The following TRPM8 variants were observed in gnomAD, a reference collection of about 807,000 sequenced individuals.
TRPM8 encodes transient receptor potential cation channel subfamily M member 8, also known as TRPM8 cationic channel.
Under a neutral mutation model 133.7 loss-of-function variants are expected in TRPM8, and 110 were observed. That is an observed-to-expected ratio of 0.82 (90% confidence interval 0.70 to 0.96). The LOEUF is 0.96. Ranked by LOEUF, TRPM8 falls within the 40% of genes least tolerant of loss-of-function variation. The pLI is 0.00. For synonymous variants in TRPM8, 535 were observed against 532.3 expected (o/e 1.01, Z -0.07); for missense variants, 1,291 against 1,379.5 (o/e 0.94, Z 1.02).
At chr2:234,005,895 T>C in intron 22 of TRPM8, among the ~76,000 whole-genome samples, 1 of 147,144 alleles carries the variant, frequency 6.8e-6, no homozygotes, top group Non-Finnish European at 1.5e-5. Context: ...ACCACTGCAC[T>C]CCAGCCTGGG....
chr2:233,923,049 G>T (rs1171282648), intron 1 of TRPM8, among the ~76,000 whole-genome samples: 2 of 151,910 alleles, frequency 1.3e-5, no homozygotes, highest in Admixed American at 6.6e-5. Context: ...TTTTGTTGTT[G>T]TTGTTAGAGA....
chr2:233,935,533 A>T (rs1330157249), intron 3 of TRPM8, among the ~76,000 whole-genome samples: 4 of 152,224 alleles, frequency 2.6e-5, no homozygotes, highest in African/African-American at 9.6e-5. Context: ...ACAGGTGTAA[A>T]CTGAGACTAT....
At chr2:233,994,042 T>A (rs1692345645) in intron 21 of TRPM8, among the ~76,000 whole-genome samples, 1 of 152,260 alleles carries the variant, frequency 6.6e-6, no homozygotes, top group East Asian at 1.9e-4. Flanking sequence ...CATTCATCTC[T>A]TCTTATTTTT....
At position 233,983,087 on chromosome 2, in the gene TRPM8, C is replaced by T. The variant is rs776327167; in HGVS notation, c.2624C>T (p.Ala875Val). Residue 875 changes from alanine (A) to valine (V), a missense_variant, in exon 20 of 26, where the codon GCG becomes GTG. Physicochemically the swap from Ala to Val is moderately conservative, Grantham distance 64. Coordinates refer to ENST00000324695, the MANE Select transcript of TRPM8 (RefSeq NM_024080.5). Reference sequence around the variant, plus strand: ...GTGTTCTTCTTCCTGTTCCTCTTTGCGGTGTGGATGGTGGCCTTTGGCGTG... The same window carrying T: ...GTGTTCTTCTTCCTGTTCCTCTTTGTGGTGTGGATGGTGGCCTTTGGCGTG... ...IDVFFFLFLF[A>V]VWMVAFGVAR... 8.1e-6 allele frequency: 13 copies of T among 1,613,930 alleles called. No individual in the cohort carries two copies. Among genetic ancestry groups the T allele is most frequent in the East Asian group, 2.2e-5 (1 of 44,896 alleles).
intron 12 of TRPM8, 150 bp downstream of exon 12, chr2:233,961,216 A>G: frequency 1.3e-6 from 1 of 759,678 alleles, no homozygotes; most frequent in Non-Finnish European, 2.1e-6. Context: ...TTTATTTAAG[A>G]TAAGGTGTCT....
At position 233,928,212 on chromosome 2, in the gene TRPM8, G is replaced by T. The variant is rs565925611; in HGVS notation, c.117+1558G>T. Among the ~76,000 whole-genome samples, 152 of 151,930 alleles carry T rather than the reference G, an allele frequency of 1.0e-3. 2 individuals carry two copies. The South Asian group carries it at 0.011, about 11-fold the overall frequency. On this transcript the variant is annotated intron_variant, in intron 2 of 25. Transcript: ENST00000324695. ...TCTCGATCTCCTGACCTCGTGAGCCGCCCACCTCGGCCTCCCAAAGTGCTG... is the reference window on the plus strand; with the variant it reads ...TCTCGATCTCCTGACCTCGTGAGCCTCCCACCTCGGCCTCCCAAAGTGCTG...
chr2:234,012,442 A>G (rs1035147922), intron 24 of TRPM8, among the ~76,000 whole-genome samples: 7 of 150,828 alleles, frequency 4.6e-5, no homozygotes, highest in Admixed American at 1.3e-4. Flanking sequence ...CACCACGCCC[A>G]GCAGTCCTAA....
chr2:233,933,036 G>A (rs28901617), intron 3 of TRPM8, among the ~76,000 whole-genome samples: 2,919 of 151,750 alleles, frequency 0.019, 85 homozygotes, highest in East Asian at 0.11. Context: ...AGATGGTGCC[G>A]CACTTTTGCC....
At chr2:233,997,738 A>G (rs1043513785) in intron 22 of TRPM8, among the ~76,000 whole-genome samples, 5 of 152,156 alleles carry the variant, frequency 3.3e-5, no homozygotes, top group African/African-American at 1.2e-4. Context: ...TCAGGAAGGC[A>G]GCCATCAACC....
intron 9 of TRPM8, among the ~76,000 whole-genome samples, chr2:233,951,323 A>G (rs1220191179): frequency 6.6e-6 from 1 of 152,248 alleles, no homozygotes; most frequent in African/African-American, 2.4e-5. Context: ...TATTGATTGC[A>G]TATTGACTGC....
chr2:233,937,353 G>A lies in TRPM8; in HGVS notation c.192G>A (p.Thr64=). 6.2e-7 allele frequency: 1 copy of A among 1,614,024 alleles called. No homozygotes were observed. The highest frequency in any genetic ancestry group is 2.2e-5 in the East Asian group (1 of 44,878). ...CTGTCCACACCATCGTGCTTATCAG[G>A]GAGAATGTGTGCAAGTGTGGCTATG... The part of the protein sequence containing the change: ...CVFFTKDSKA[T]ENVCKCGYAQ... Residue 64 remains threonine (T), a splice_region_variant and synonymous_variant, in exon 4 of 26, where the codon ACG becomes ACA. Transcript: ENST00000324695.
chr2:234,003,227 C>T (rs934614078), intron 22 of TRPM8, among the ~76,000 whole-genome samples: 3 of 152,150 alleles, frequency 2.0e-5, no homozygotes, highest in African/African-American at 4.8e-5. Flanking sequence ...ACCCCGAACT[C>T]GTGTCATGCC....
intron 22 of TRPM8, 79 bp from the exon 23 acceptor site, chr2:234,006,774 A>G (rs1692703919): frequency 1.9e-6 from 2 of 1,076,028 alleles, no homozygotes; most frequent in Non-Finnish European, 1.4e-6. Context: ...AGTCTCACAA[A>G]ATGCCTTAGA....
Position 233,989,594 on chromosome 2 carries a change from A to G in TRPM8, c.2939+3729A>G, listed in dbSNP as rs1344416004. On this transcript the variant is annotated intron_variant, in intron 21 of 25. Transcript: ENST00000324695. The surrounding 1 kb of genome is among the most constrained non-coding windows in gnomAD (Gnocchi z 4.2). ...TGTTCAGGGCTTACTCTGTGAGCAGATGGCCCCAGGATGTGACCCTTCCCT... is the reference window on the plus strand; with the variant it reads ...TGTTCAGGGCTTACTCTGTGAGCAGGTGGCCCCAGGATGTGACCCTTCCCT... Among the ~76,000 whole-genome samples the G allele has an allele frequency of 6.6e-6, 1 of 152,246 alleles. No individual in the cohort carries two copies. Among genetic ancestry groups the G allele is most frequent in the Non-Finnish European group, 1.5e-5 (1 of 68,046 alleles).
chr2:234,004,010 C>A (rs1462616728), intron 22 of TRPM8, among the ~76,000 whole-genome samples: 1 of 152,134 alleles, frequency 6.6e-6, no homozygotes, highest in Non-Finnish European at 1.5e-5. Context: ...AATGATTAAG[C>A]ACAATATGAC....
At chr2:233,954,102 C>G (rs1180011323) in intron 10 of TRPM8, 83 bp downstream of exon 10, 7 of 973,128 alleles carry the variant, frequency 7.2e-6, no homozygotes, top group Non-Finnish European at 1.0e-5. Flanking sequence ...TTTTATAAAA[C>G]AGCTTTATTG....
chr2:233,954,038 T>C lies in TRPM8; in HGVS notation c.1243+19T>C, dbSNP rs747588006. On this transcript the variant is annotated intron_variant, in intron 10 of 25. Coordinates refer to ENST00000324695, the MANE Select transcript of TRPM8 (RefSeq NM_024080.5). ...TACAAAGGTGAGTAAAAATAGCTCC[T>C]TTTGAAGTGTCAGCTTTGTGTTGCC... The C allele has an allele frequency of 5.8e-6, 9 of 1,544,920 alleles. No individual in the cohort carries two copies. Among genetic ancestry groups the C allele is most frequent in the Non-Finnish European group, 7.0e-6 (8 of 1,134,882 alleles).
At chr2:233,972,391 GCCCAGCTGGCTTCA>G (rs918327455) in intron 17 of TRPM8, among the ~76,000 whole-genome samples, 4 of 152,270 alleles carry the variant, frequency 2.6e-5, no homozygotes, top group Admixed American at 6.5e-5. Context: ...AGACTCAGGA[GCCCAGCTGGCTTCA>G]CCCAGTGGAT....
At chr2:233,972,843 G>T (rs1000638633) in intron 17 of TRPM8, among the ~76,000 whole-genome samples, 1 of 152,150 alleles carries the variant, frequency 6.6e-6, no homozygotes, top group Non-Finnish European at 1.5e-5. Flanking sequence ...TCCCGCTCAC[G>T]CCACTCCTTC....
Sources: allele counts gnomAD v4.1 joint callset (sites outside exome capture counted in the v4.1 genomes callset), GRCh38; gene constraint gnomAD v4.1.1; non-coding constraint Gnocchi (gnomAD v3.1); transcripts MANE v1.5; gene names NCBI Gene and HGNC (gene_info 2026-07-23, HGNC 2026-07-21).